Variants in KCNAB1 observed in about 807,000 individuals in gnomAD.
KCNAB1 encodes the protein voltage-gated potassium channel subunit beta-1.
Under a neutral mutation model 64.6 loss-of-function variants are expected in KCNAB1, and 35 were observed. The ratio of observed to expected loss-of-function variants is 0.54; its 90% CI spans 0.41 to 0.72. The LOEUF (loss-of-function observed/expected upper bound fraction) is 0.72. KCNAB1 is among the 30% of genes least tolerant of loss of function. The pLI, the probability that KCNAB1 is intolerant of heterozygous loss-of-function variation, is 0.00. For missense variants in KCNAB1, 401 were observed against 512.9 expected, an observed-to-expected ratio of 0.78 and a Z score of 2.11; for synonymous variants, 177 against 183.8, an observed-to-expected ratio of 0.96 and a Z score of 0.30.
intron 1 of KCNAB1, among the ~76,000 whole-genome samples, chr3:156,293,286 C>T (rs1206424970): frequency 6.6e-6 from 1 of 152,314 alleles, no homozygotes; most frequent in African/African-American, 2.4e-5. Context: ...AAGCTACCAA[C>T]ACATCTTCCA....
At chr3:156,311,363 GAGTATGT>G (rs1159666059) in intron 1 of KCNAB1, among the ~76,000 whole-genome samples, 1 of 152,220 alleles carries the variant, frequency 6.6e-6, no homozygotes, top group Non-Finnish European at 1.5e-5. Flanking sequence ...GTTAAGGCAA[GAGTATGT>G]GTTGTGAGAA....
rs191519879 is a variant in KCNAB1 at position 156,381,507 on chromosome 3, T to C, written c.276-40109T>C. ...GGGTCTCCTTGCCCACAAGCAGATG[T>C]TCTAACATGGGTGTCTTCCAAGTGA... is the stretch of plus-strand genomic sequence containing the variant. On this transcript the variant is annotated intron_variant, in intron 1 of 13. Coordinates refer to ENST00000490337, the MANE Select transcript of KCNAB1 (RefSeq NM_172160.3). Among the ~76,000 whole-genome samples, 3 of 152,326 alleles carry C rather than the reference T, an allele frequency of 2.0e-5. No homozygotes were observed. The East Asian group carries it at 5.8e-4, about 29-fold the overall frequency.
intron 2 of KCNAB1, among the ~76,000 whole-genome samples, chr3:156,444,820 T>A (rs891705822): frequency 6.6e-6 from 1 of 152,224 alleles, no homozygotes. Flanking sequence ...CTTATTGAAA[T>A]AACAGTGCCC....
At chr3:156,166,265 T>A (rs1239806064) in intron 1 of KCNAB1, among the ~76,000 whole-genome samples, 2 of 152,178 alleles carry the variant, frequency 1.3e-5, no homozygotes, top group Non-Finnish European at 2.9e-5. Context: ...AGGCAGCACA[T>A]CTCTCTTTTC....
chr3:156,197,587 ATTTG>A (rs1416849005), intron 1 of KCNAB1, among the ~76,000 whole-genome samples: 1 of 152,030 alleles, frequency 6.6e-6, no homozygotes, highest in East Asian at 1.9e-4. Flanking sequence ...TTTCTAGTTT[ATTTG>A]TTTGTAGTAT....
intron 1 of KCNAB1, among the ~76,000 whole-genome samples, chr3:156,205,700 T>C (rs372251498): frequency 6.6e-6 from 1 of 152,328 alleles, no homozygotes; most frequent in East Asian, 1.9e-4. Flanking sequence ...TTCAGTGGCC[T>C]CTGAAGAGGT....
chr3:156,509,869 G>A (rs1717083007), intron 8 of KCNAB1, among the ~76,000 whole-genome samples: 1 of 152,194 alleles, frequency 6.6e-6, no homozygotes, highest in African/African-American at 2.4e-5. Flanking sequence ...CTAGAAGACA[G>A]TTGATTTTTC....
chr3:156,350,671 C>T (rs144509038), intron 1 of KCNAB1, among the ~76,000 whole-genome samples: 11 of 152,252 alleles, frequency 7.2e-5, no homozygotes, highest in African/African-American at 2.6e-4. Context: ...TAACCTTTGC[C>T]TCCTGAAGAT....
chr3:156,380,414 T>A (rs761292260), intron 1 of KCNAB1, among the ~76,000 whole-genome samples: 38 of 152,364 alleles, frequency 2.5e-4, no homozygotes, highest in Middle Eastern at 3.4e-3. Context: ...AAGTCCTGAA[T>A]GATATTTTGA....
chr3:156,124,304 C>T (rs1455710187), intron 1 of KCNAB1, among the ~76,000 whole-genome samples: 1 of 151,662 alleles, frequency 6.6e-6, no homozygotes, highest in African/African-American at 2.4e-5. Context: ...GCAACCTCCG[C>T]CTCCTGGGTT....
intron 1 of KCNAB1, among the ~76,000 whole-genome samples, chr3:156,344,443 T>G (rs16826014): frequency 0.11 from 17,289 of 152,232 alleles, 3,135 homozygotes; most frequent in African/African-American, 0.38. Flanking sequence ...TACCTCCCTC[T>G]TAACATTCTT....
chr3:156,137,821 G>T (rs1213236290), intron 1 of KCNAB1, among the ~76,000 whole-genome samples: 3 of 151,572 alleles, frequency 2.0e-5, no homozygotes, highest in African/African-American at 7.3e-5. Context: ...CTCCCAAAGT[G>T]CTGGGATTAC....
At chr3:156,520,663 G>A (rs4254604) in intron 11 of KCNAB1, among the ~76,000 whole-genome samples, 36,787 of 152,074 alleles carry the variant, frequency 0.24, 4,699 homozygotes, top group African/African-American at 0.31. Flanking sequence ...TGGGAGAGAG[G>A]GGTGGTCCAA....
chr3:156,429,279 T>C (rs1028519211), intron 2 of KCNAB1, among the ~76,000 whole-genome samples: 1 of 152,214 alleles, frequency 6.6e-6, no homozygotes, highest in Non-Finnish European at 1.5e-5. Flanking sequence ...CCATGATTCT[T>C]ATCTACATGG....
At chr3:156,348,516 G>A (rs533017763) in intron 1 of KCNAB1, among the ~76,000 whole-genome samples, 4 of 152,246 alleles carry the variant, frequency 2.6e-5, no homozygotes, top group African/African-American at 9.6e-5. Flanking sequence ...TGCGGGGATG[G>A]TGGTGCCATT....
chr3:156,128,911 C>T (rs1560099516), intron 1 of KCNAB1, among the ~76,000 whole-genome samples: 1 of 152,206 alleles, frequency 6.6e-6, no homozygotes, highest in Non-Finnish European at 1.5e-5. Context: ...GAGAGGAAAA[C>T]ATTCACTAAC....
In KCNAB1 at chr3:156,514,409, T is replaced by C; in HGVS notation, c.704T>C (p.Met235Thr). ...MTHVINQGMA[M>T]YWGTSRWSAM... The stretch of plus-strand genomic sequence containing the variant: ...CATGTGATAAACCAAGGCATGGCGA[T>C]GTACTGGGGCACCTCGAGATGGAGT... Residue 235 changes from methionine (M) to threonine (T), a missense_variant, in exon 9 of 14, where the codon ATG becomes ACG. By Grantham distance (81) the Met-to-Thr change is moderately conservative. Transcript: ENST00000490337. The C allele has an allele frequency of 6.2e-7, 1 of 1,614,164 alleles. No individual in the cohort carries two copies. Among genetic ancestry groups the C allele is most frequent in the Non-Finnish European group, 8.5e-7 (1 of 1,179,984 alleles).
At chr3:156,446,503 T>G (rs1260754028) in intron 2 of KCNAB1, among the ~76,000 whole-genome samples, 2 of 152,208 alleles carry the variant, frequency 1.3e-5, no homozygotes, top group Admixed American at 1.3e-4. Flanking sequence ...CAATTATGAC[T>G]ACATTTGGTC....
At chr3:156,470,350 A>G (rs889674098) in intron 7 of KCNAB1, among the ~76,000 whole-genome samples, 2 of 152,230 alleles carry the variant, frequency 1.3e-5, no homozygotes, top group African/African-American at 4.8e-5. Flanking sequence ...CTTAGAATTT[A>G]GCAGAACAGA....
Sources: gnomAD v4.1 joint callset for allele counts (sites outside exome capture counted in the v4.1 genomes callset) on GRCh38, gnomAD v4.1.1 for gene constraint, MANE v1.5 for transcripts, NCBI Gene and HGNC (gene_info 2026-07-23, HGNC 2026-07-21) for gene names.